ZNF423: variants seen among roughly 807,000 people sequenced by gnomAD.
The protein encoded by ZNF423 is zinc finger protein 423.
Under a neutral mutation model 95.8 loss-of-function variants are expected in ZNF423, and 12 were observed. That is an observed-to-expected ratio of 0.13 (90% CI 0.08 to 0.20). The LOEUF (loss-of-function observed/expected upper bound fraction) is 0.20. Ranked by LOEUF, ZNF423 falls within the 10% of genes least tolerant of loss-of-function variation. The probability of loss-of-function intolerance (pLI) is 1.00; values close to 1 mark genes in which losing one functional copy is unlikely to be tolerated. For missense variants in ZNF423, 1,316 were observed against 1,737.1 expected, an observed-to-expected ratio of 0.76 and a Z score of 4.31; for synonymous variants, 749 against 711.9, an observed-to-expected ratio of 1.05 and a Z score of -0.83.
At chr16:49,833,556 GAA>G (rs1195933484) in intron 1 of ZNF423, among the ~76,000 whole-genome samples, 2 of 152,098 alleles carry the variant, frequency 1.3e-5, no homozygotes, top group Non-Finnish European at 2.9e-5. Flanking sequence ...AGGCAAATAA[GAA>G]AAGATGTCCT....
intron 5 of ZNF423, among the ~76,000 whole-genome samples, chr16:49,568,376 G>T (rs902044283): frequency 6.6e-5 from 10 of 152,152 alleles, no homozygotes; most frequent in African/African-American, 2.4e-4. Context: ...ACCAACAGCT[G>T]GAGACACAGA....
At chr16:49,611,591 A>C (rs1213612796) in intron 5 of ZNF423, among the ~76,000 whole-genome samples, 4 of 152,038 alleles carry the variant, frequency 2.6e-5, no homozygotes, top group Admixed American at 2.6e-4. Flanking sequence ...GACCTAGAAA[A>C]AGATGAAGAT....
At chr16:49,831,223 A>T (rs1261286977) in intron 1 of ZNF423, among the ~76,000 whole-genome samples, 2 of 152,202 alleles carry the variant, frequency 1.3e-5, no homozygotes, top group Non-Finnish European at 2.9e-5. Context: ...ATAAAGAGTT[A>T]AAGAAACCTC....
intron 5 of ZNF423, among the ~76,000 whole-genome samples, chr16:49,526,702 T>G (rs1968625520): frequency 6.6e-6 from 1 of 152,216 alleles, no homozygotes; most frequent in South Asian, 2.1e-4. Context: ...CTCCCCTTAC[T>G]GGGTGATCTT....
intron 5 of ZNF423, among the ~76,000 whole-genome samples, chr16:49,551,787 G>T (rs1969648576): frequency 6.6e-6 from 1 of 152,174 alleles, no homozygotes; most frequent in Non-Finnish European, 1.5e-5. Context: ...CCGAAAACGG[G>T]CCCCTCAAGT....
intron 3 of ZNF423, among the ~76,000 whole-genome samples, chr16:49,724,768 C>T (rs964866415): frequency 7.2e-5 from 11 of 152,184 alleles, no homozygotes; most frequent in African/African-American, 9.7e-5. Context: ...ATTTCACCTT[C>T]GCCAGAAAAG....
chr16:49,663,565 C>T (rs1466565248), intron 3 of ZNF423, among the ~76,000 whole-genome samples: 1 of 152,224 alleles, frequency 6.6e-6, no homozygotes, highest in African/African-American at 2.4e-5. Flanking sequence ...GGCAGCTGCA[C>T]TCTGGTGGCC....
chr16:49,677,245 A>AGAGAAGAGAG (rs2031101421), intron 3 of ZNF423, among the ~76,000 whole-genome samples: 5 of 19,116 alleles, frequency 2.6e-4, no homozygotes, highest in African/African-American at 1.1e-3. Flanking sequence ...AGAGAAGAGA[A>AGAGAAGAGAG]GATAAGAGAA....
At chr16:49,604,356 G>A (rs192022529) in intron 5 of ZNF423, among the ~76,000 whole-genome samples, 4 of 152,266 alleles carry the variant, frequency 2.6e-5, no homozygotes, top group Non-Finnish European at 5.9e-5. Flanking sequence ...AGCCCTGGTA[G>A]TGGCACAGTG....
At chr16:49,745,544 T>C (rs4785338) in intron 2 of ZNF423, among the ~76,000 whole-genome samples, 86,348 of 152,034 alleles carry the variant, frequency 0.57, 24,960 homozygotes, top group African/African-American at 0.68. Context: ...TTTAAATCAT[T>C]ACCTTGAAGC....
chr16:49,544,860 C>T (rs1454606315), intron 5 of ZNF423, among the ~76,000 whole-genome samples: 3 of 152,284 alleles, frequency 2.0e-5, no homozygotes, highest in Non-Finnish European at 4.4e-5. Context: ...AGAAACTGAG[C>T]GCCCAAGCGC....
rs1966892301 is a variant in ZNF423 at position 49,489,553 on chromosome 16, A to C, written c.*1722T>G. ...AACTGAAAGCCCCACCCGCGTGAGA[A>C]CATTACATGAGGTGACAGAAAGAAA... On this transcript the variant is annotated 3_prime_UTR_variant, in exon 8 of 8. Transcript: ENST00000563137. 1 of 152,398 alleles carries C rather than the reference A, an allele frequency of 6.6e-6. No individual in the cohort carries two copies. Among genetic ancestry groups the C allele is most frequent in the East Asian group, 1.9e-4 (1 of 5,192 alleles). 9.4% of individuals were successfully genotyped at this position (152,398 alleles called of 1,614,324 possible).
rs1252733350 is a variant in ZNF423 at position 49,525,511 on chromosome 16, T to A, written c.3602-17A>T. 7 of 1,613,810 alleles carry A rather than the reference T, an allele frequency of 4.3e-6. No individual in the cohort carries two copies. Among genetic ancestry groups the A allele is most frequent in the Non-Finnish European group, 5.9e-6 (7 of 1,179,902 alleles). ...TGCCTTCCTCTGCAAGGAAAACCCG[T>A]GACCAGTCAGTGACCAGCATGCCAT... On this transcript the variant is annotated splice_polypyrimidine_tract_variant and intron_variant, in intron 5 of 7. Transcript: ENST00000563137.
chr16:49,504,451 G>A (rs987163829), intron 7 of ZNF423, among the ~76,000 whole-genome samples: 7 of 152,236 alleles, frequency 4.6e-5, no homozygotes, highest in Middle Eastern at 3.4e-3. Flanking sequence ...GCATGGCAGC[G>A]TGTGTCTGTA....
chr16:49,511,328 T>C (rs1341245504), intron 7 of ZNF423, among the ~76,000 whole-genome samples: 2 of 152,142 alleles, frequency 1.3e-5, no homozygotes, highest in Admixed American at 1.3e-4. Context: ...TTCGAGACCC[T>C]GCACCCAGAG....
Position 49,638,057 on chromosome 16 carries a change from G to C in ZNF423, c.1119C>G (p.Ala373=). The change falls in exon 4 of 8, where the codon GCC becomes GCG. Residue 373 remains alanine, a synonymous_variant. Transcript: ENST00000563137. This position sits in a 1 kb window ranked among gnomAD's most constrained non-coding sequence, Gnocchi z 5.6. ...VSPDPVLGSV[A]SMSSATPDSS... is the part of the protein sequence containing the mutation. ...AGTCGGGTGTGGCGCTGCTCATGGA[G>C]GCCACGCTGCCCAGTACAGGGTCGG... The C allele has an allele frequency of 6.2e-7, 1 of 1,613,968 alleles. No homozygotes were observed. Among genetic ancestry groups the C allele is most frequent in the South Asian group, 1.1e-5 (1 of 91,066 alleles).
intron 3 of ZNF423, among the ~76,000 whole-genome samples, chr16:49,681,975 C>T (rs2031376486): frequency 1.3e-5 from 2 of 151,718 alleles, no homozygotes; most frequent in Admixed American, 1.3e-4. Flanking sequence ...CTAACAAGCT[C>T]CCACCCCTCA....
chr16:49,670,279 C>A (rs1474764773), intron 3 of ZNF423, among the ~76,000 whole-genome samples: 1 of 152,234 alleles, frequency 6.6e-6, no homozygotes, highest in Non-Finnish European at 1.5e-5. Flanking sequence ...GTTCTCCCAG[C>A]CGCCAACCCT....
intron 5 of ZNF423, among the ~76,000 whole-genome samples, chr16:49,529,893 T>A (rs551613633): frequency 6.6e-6 from 1 of 152,162 alleles, no homozygotes; most frequent in South Asian, 2.1e-4. Flanking sequence ...CTACCCCCTC[T>A]CTTAGCAGGA....
Sources: gnomAD v4.1 joint callset for allele counts (sites outside exome capture counted in the v4.1 genomes callset) on GRCh38, gnomAD v4.1.1 for gene constraint, Gnocchi (gnomAD v3.1) non-coding constraint, MANE v1.5 for transcripts, NCBI Gene and HGNC (gene_info 2026-07-23, HGNC 2026-07-21) for gene names.